The following RYR3 variants were observed in gnomAD, a reference collection of about 807,000 sequenced individuals.
RYR3 encodes the protein brain ryanodine receptor-calcium release channel.
RYR3 carries 207 observed loss-of-function variants against 584.3 expected under a neutral mutation model. That is an observed-to-expected ratio of 0.35 (90% CI 0.32 to 0.40). The LOEUF is 0.40. Ranked by LOEUF, RYR3 falls within the 10% of genes least tolerant of loss-of-function variation. RYR3 has a pLI of 1.00. For synonymous variants in RYR3, 2,416 were observed against 2,248.5 expected (o/e 1.07, Z -2.11); for missense variants, 5,616 against 6,089.2 (o/e 0.92, Z 2.59).
At position 33,738,350 on chromosome 15, in the gene RYR3, A is replaced by G. The variant is rs565128857; in HGVS notation, c.7516-100A>G. ...CAGCTGTTTCGCATGTTTCATTCTC[A>G]TGGTCTCTGCTTACTACTTGATTCT... On this transcript the variant is annotated intron_variant, in intron 49 of 103. Coordinates refer to ENST00000634891, the MANE Select transcript of RYR3 (RefSeq NM_001036.6). 53 of 1,216,916 alleles carry G rather than the reference A, an allele frequency of 4.4e-5. 1 individual carries two copies. The Admixed American group carries it at 1.1e-3, about 24-fold the overall frequency. 75.4% of individuals were successfully genotyped at this position (1,216,916 alleles called of 1,614,324 possible).
intron 1 of RYR3, among the ~76,000 whole-genome samples, chr15:33,330,541 C>T (rs562098891): frequency 6.6e-6 from 1 of 152,152 alleles, no homozygotes; most frequent in Non-Finnish European, 1.5e-5. Flanking sequence ...CCAAAGTTTA[C>T]CTGACTAGTG....
rs749982964 is a variant in RYR3, at chr15:33,634,625, G to A, written c.3067G>A (p.Ala1023Thr). ...AAGAAATCCCCGTCTGGTGCCATAT[G>A]CATTACTGGATGAGCGTACCAAGAA... Reference protein sequence around the residue: ...NKRNPRLVPYALLDERTKKSN... With the variant: ...NKRNPRLVPYTLLDERTKKSN... Residue 1023 changes from alanine (A) to threonine (T), a missense_variant, in exon 25 of 104, where the codon GCA becomes ACA. Around this residue, in one of 9 missense-constraint regions of RYR3, gnomAD observed 1,284 missense variants for 1,344.6 expected, o/e 0.95. Coordinates refer to ENST00000634891, the MANE Select transcript of RYR3 (RefSeq NM_001036.6). The A allele has an allele frequency of 1.3e-5, 21 of 1,613,808 alleles. No homozygotes were observed. The highest frequency in any genetic ancestry group is 1.3e-5 in the African/African-American group (1 of 74,924).
At chr15:33,772,265 T>G in intron 63 of RYR3, 107 bp downstream of exon 63, 1 of 637,734 alleles carries the variant, frequency 1.6e-6, no homozygotes, top group East Asian at 2.7e-5. Context: ...AGAGAGAGAA[T>G]TATTCCATGC....
chr15:33,533,681 TA>T (rs2055072439), intron 5 of RYR3, among the ~76,000 whole-genome samples: 1 of 152,162 alleles, frequency 6.6e-6, no homozygotes, highest in Non-Finnish European at 1.5e-5. Flanking sequence ...TCATTTGTGA[TA>T]AGAACCAATG....
Position 33,807,539 on chromosome 15 carries a change from T to C in RYR3, c.10012-16T>C. 6.4e-7 allele frequency: 1 copy of C among 1,551,790 alleles called. No homozygotes were observed. Among genetic ancestry groups the C allele is most frequent in the Non-Finnish European group, 8.7e-7 (1 of 1,146,910 alleles). Reference sequence around the variant, plus strand: ...GACTCTTCTCCTTGTTTCTTTTCTTTTGTCTTTCCACACAGGCCATGCAAG... The same window carrying C: ...GACTCTTCTCCTTGTTTCTTTTCTTCTGTCTTTCCACACAGGCCATGCAAG... On this transcript the variant is annotated splice_polypyrimidine_tract_variant and intron_variant, in intron 69 of 103. Coordinates refer to ENST00000634891, the MANE Select transcript of RYR3 (RefSeq NM_001036.6).
At chr15:33,430,119 C>T (rs1043275029) in intron 1 of RYR3, among the ~76,000 whole-genome samples, 6 of 152,234 alleles carry the variant, frequency 3.9e-5, no homozygotes, top group Non-Finnish European at 8.8e-5. Context: ...AGATAGATGA[C>T]TGTTAGTGTT....
intron 1 of RYR3, among the ~76,000 whole-genome samples, chr15:33,404,019 A>T (rs745504410): frequency 1.3e-5 from 2 of 152,240 alleles, no homozygotes; most frequent in Non-Finnish European, 2.9e-5. Flanking sequence ...GTATGGGTAC[A>T]TCTTGCTTAT....
In RYR3 at chr15:33,857,075, C is replaced by G. The variant is rs565525913; in HGVS notation, c.14008-705C>G. On this transcript the variant is annotated intron_variant, in intron 98 of 103. Coordinates refer to ENST00000634891, the MANE Select transcript of RYR3 (RefSeq NM_001036.6). ...TGTATCCCTCCTCACAGCACCTGCACTATTCAATACTTAAGTTCCTTTATA... is the reference window on the plus strand; with the variant it reads ...TGTATCCCTCCTCACAGCACCTGCAGTATTCAATACTTAAGTTCCTTTATA... Among the ~76,000 whole-genome samples, 3 of 152,298 alleles carry G rather than the reference C, an allele frequency of 2.0e-5. No individual in the cohort carries two copies. The South Asian group carries it at 6.2e-4, about 32-fold the overall frequency.
rs10519867 is a variant in RYR3 at position 33,748,664 on chromosome 15, C to T, written c.8199+134C>T. 3,377 of 779,510 alleles carry T rather than the reference C, an allele frequency of 4.3e-3. 62 individuals are homozygous for T. In the African/African-American group the frequency reaches 0.051, roughly 12 times the overall value. The allele number at this position is 779,510 out of a possible 1,614,324, so 48.3% of individuals were successfully genotyped here. On this transcript the variant is annotated intron_variant, in intron 55 of 103. Transcript: ENST00000634891. ...AAAATTCAAAACTGAAGACGGTCAC[C>T]TTGTGCAGAGGCCACAGGGAAAGTC...
intron 40 of RYR3, among the ~76,000 whole-genome samples, 179 bp from the exon 41 acceptor site, chr15:33,699,525 G>A (rs191878933): frequency 8.1e-4 from 123 of 152,128 alleles, no homozygotes; most frequent in African/African-American, 2.7e-3. Context: ...ATTTCTCTTG[G>A]AGGAAAGATA....
At chr15:33,685,245 A>G (rs2064907405) in intron 38 of RYR3, among the ~76,000 whole-genome samples, 1 of 152,242 alleles carries the variant, frequency 6.6e-6, no homozygotes, top group Non-Finnish European at 1.5e-5. Context: ...AAAGGGATGG[A>G]GGAAGATCTA....
chr15:33,723,536 G>A (rs1361474026), intron 44 of RYR3, among the ~76,000 whole-genome samples: 1 of 152,168 alleles, frequency 6.6e-6, no homozygotes, highest in African/African-American at 2.4e-5. Flanking sequence ...GTAGAATCTA[G>A]AGAGTGGGCA....
At position 33,432,668 on chromosome 15, in the gene RYR3, T is replaced by TGTGTGTGTGTGTGTGTGTGTG. The variant is rs113646851; in HGVS notation, c.52-40751_52-40750insGTGTGTGTGTGTGTGTGTGTG. Among the ~76,000 whole-genome samples, 400 of 132,190 alleles carry TGTGTGTGTGTGTGTGTGTGTG rather than the reference T, an allele frequency of 3.0e-3. 7 individuals carry two copies. Among genetic ancestry groups the TGTGTGTGTGTGTGTGTGTGTG allele is most frequent in the African/African-American group, 0.012 (383 of 31,678 alleles). The allele number at this position is 132,190 out of a possible 152,430, so 86.7% of individuals were successfully genotyped here. On this transcript the variant is annotated intron_variant, in intron 1 of 103. Coordinates refer to ENST00000634891, the MANE Select transcript of RYR3 (RefSeq NM_001036.6). ...GGTGCCCACGACCACGCCTAGCTAATTGTGTGTGTGTGTGTGTGTGTGTGT... is the reference window on the plus strand; with the variant it reads ...GGTGCCCACGACCACGCCTAGCTAATGTGTGTGTGTGTGTGTGTGTGTGTGTGTGTGTGTGTGTGTGTGTGT...
At chr15:33,780,490 T>A (rs933883719) in intron 65 of RYR3, 149 bp downstream of exon 65, 29 of 702,494 alleles carry the variant, frequency 4.1e-5, no homozygotes, top group Non-Finnish European at 6.0e-5. Flanking sequence ...GTTGCAGGTC[T>A]GCATCTTACT....
intron 67 of RYR3, among the ~76,000 whole-genome samples, chr15:33,793,550 C>T (rs1310147858): frequency 1.3e-5 from 2 of 152,104 alleles, no homozygotes; most frequent in African/African-American, 2.4e-5. Flanking sequence ...ATAAAAAAAA[C>T]TCCTATTACT....
In RYR3 at chr15:33,545,846, C is replaced by A. The variant is rs556779887; in HGVS notation, c.740+2131C>A. Among the ~76,000 whole-genome samples, 13 of 149,318 alleles carry A rather than the reference C, an allele frequency of 8.7e-5. No homozygotes were observed. The East Asian group carries it at 1.7e-3, about 20-fold the overall frequency. On this transcript the variant is annotated intron_variant, in intron 8 of 103. Coordinates refer to ENST00000634891, the MANE Select transcript of RYR3 (RefSeq NM_001036.6). Reference sequence around the variant, plus strand: ...ATGGTGCTGACTCTCCAGAAGAAATCGTTTTCAGTCCCTGTAAATCCTGAG... The same window carrying A: ...ATGGTGCTGACTCTCCAGAAGAAATAGTTTTCAGTCCCTGTAAATCCTGAG...
At chr15:33,858,099 G>T in intron 99 of RYR3, 185 bp downstream of exon 99, 1 of 777,988 alleles carries the variant, frequency 1.3e-6, no homozygotes, top group Non-Finnish European at 2.0e-6. Flanking sequence ...TGGGAAGACA[G>T]AAGTGATGGA....
At chr15:33,621,371 G>A (rs950396388) in intron 19 of RYR3, among the ~76,000 whole-genome samples, 1 of 152,154 alleles carries the variant, frequency 6.6e-6, no homozygotes, top group African/African-American at 2.4e-5. Flanking sequence ...CTAATTCTTT[G>A]CCCAGAAAGA....
intron 27 of RYR3, among the ~76,000 whole-genome samples, chr15:33,636,896 A>G (rs1223390864): frequency 6.6e-6 from 1 of 152,250 alleles, no homozygotes; most frequent in Non-Finnish European, 1.5e-5. Flanking sequence ...CAGGAGAGAA[A>G]AATCAGTGAA....
Sources: allele counts gnomAD v4.1 joint callset (sites outside exome capture counted in the v4.1 genomes callset), GRCh38; gene constraint gnomAD v4.1.1; regional missense constraint gnomAD v4.1.1; transcripts MANE v1.5; gene names NCBI Gene and HGNC (gene_info 2026-07-23, HGNC 2026-07-21).